Variants in RALGAPB observed in about 807,000 individuals in gnomAD.
RALGAPB encodes the protein ral GTPase-activating protein subunit beta.
In RALGAPB, 25 loss-of-function variants were observed where a neutral mutation model predicts 161.1. The ratio of observed to expected loss-of-function variants is 0.16; its 90% CI spans 0.11 to 0.22. The LOEUF (loss-of-function observed/expected upper bound fraction) is 0.22, where lower values mean the gene tolerates loss of function less well. RALGAPB is among the 10% of genes least tolerant of loss of function. The pLI, the probability that RALGAPB is intolerant of heterozygous loss-of-function variation, is 1.00. For missense variants in RALGAPB, 1,391 were observed against 1,815.2 expected (o/e 0.77, Z 4.25); for synonymous variants, 629 against 626.1 (o/e 1.00, Z -0.07).
Position 38,497,418 on chromosome 20 carries a change from C to T in RALGAPB, c.455C>T (p.Ala152Val), listed in dbSNP as rs753301625. Reference sequence around the variant, plus strand: ...GTCCTGAGAGCCATTCAGAAACTGGCCCGTGAGTCATCTCTCATGGCCCGA... The same window carrying T: ...GTCCTGAGAGCCATTCAGAAACTGGTCCGTGAGTCATCTCTCATGGCCCGA... ...LQVLRAIQKL[A>V]RESSLMARET... The change falls in exon 4 of 30, where the codon GCC (alanine) becomes GTC (valine). Residue 152 changes from alanine to valine, a missense_variant. This residue lies in a region of RALGAPB where 946 missense variants were observed against 1,257.2 expected (regional missense o/e 0.75). Transcript: ENST00000262879. 1 of 1,613,942 alleles carries T rather than the reference C, an allele frequency of 6.2e-7. No homozygotes were observed. Among genetic ancestry groups the T allele is most frequent in the Non-Finnish European group, 8.5e-7 (1 of 1,179,820 alleles).
At chr20:38,522,171 A>G (rs1293653138) in intron 10 of RALGAPB, among the ~76,000 whole-genome samples, 1 of 152,238 alleles carries the variant, frequency 6.6e-6, no homozygotes, top group Non-Finnish European at 1.5e-5. Context: ...AGCAGCGCAC[A>G]TTTATTTACT....
intron 21 of RALGAPB, among the ~76,000 whole-genome samples, chr20:38,551,464 A>G (rs2087374058): frequency 6.6e-6 from 1 of 152,206 alleles, no homozygotes; most frequent in African/African-American, 2.4e-5. Flanking sequence ...TCAGTACTGT[A>G]GTGACATGAT....
intron 13 of RALGAPB, 136 bp from the exon 14 acceptor site, chr20:38,531,031 C>G (rs548385024): frequency 2.9e-6 from 2 of 696,670 alleles, no homozygotes; most frequent in African/African-American, 1.8e-5. Context: ...TAAGAGCCAA[C>G]TATAATTTCA....
intron 26 of RALGAPB, 144 bp downstream of exon 26, chr20:38,567,376 C>G: frequency 5.9e-6 from 7 of 1,195,210 alleles, no homozygotes; most frequent in Non-Finnish European, 7.6e-6. Context: ...AAATAAAATT[C>G]TCACGATTTT....
At position 38,544,347 on chromosome 20, in the gene RALGAPB, G is replaced by GTT. The variant is rs79464319; in HGVS notation, c.2715-1883_2715-1882dup. On this transcript the variant is annotated intron_variant, in intron 18 of 29. Coordinates refer to ENST00000262879, the MANE Select transcript of RALGAPB (RefSeq NM_020336.4). ...TGGTTCATTTCTGCTGTTACCTTCA[G>GTT]TTTTTTTTTTTTTTAAATATTACAA... Among the ~76,000 whole-genome samples the GTT allele has an allele frequency of 9.9e-5, 14 of 141,280 alleles. No individual in the cohort carries two copies. In the South Asian group the frequency reaches 1.3e-3, roughly 14 times the overall value. The allele number at this position is 141,280 out of a possible 152,430, so 92.7% of individuals were successfully genotyped here.
At chr20:38,557,608 C>T (rs2087631888) in intron 22 of RALGAPB, among the ~76,000 whole-genome samples, 1 of 152,200 alleles carries the variant, frequency 6.6e-6, no homozygotes. Context: ...TAGTTGGAAT[C>T]ATACAGTATG....
Position 38,562,576 on chromosome 20 carries a change from C to G in RALGAPB, c.3576C>G (p.Phe1192Leu). 1 of 1,613,274 alleles carries G rather than the reference C, an allele frequency of 6.2e-7. No homozygotes were observed. Residue 1192 changes from phenylalanine to leucine, a missense_variant, in exon 24 of 30, where the codon TTC becomes TTG. Physicochemically the swap from Phe to Leu is conservative, Grantham distance 22. Around this residue, in one of 3 missense-constraint regions of RALGAPB, gnomAD observed 436 missense variants for 527.0 expected, o/e 0.83. Transcript: ENST00000262879. Reference sequence around the variant, plus strand: ...CTTCCAGAACTGTTCAGCCACATTTCCTAGAATTTTTGCTTTCCCTTGGCT... The same window carrying G: ...CTTCCAGAACTGTTCAGCCACATTTGCTAGAATTTTTGCTTTCCCTTGGCT... ...VESSRTVQPH[F>L]LEFLLSLGWS...
chr20:38,487,868 A>G (rs2122857791), intron 1 of RALGAPB, among the ~76,000 whole-genome samples: 1 of 152,234 alleles, frequency 6.6e-6, no homozygotes, highest in East Asian at 1.9e-4. Flanking sequence ...GGAGTTCGAG[A>G]CCAGCCTGAC....
chr20:38,531,045 G>A (rs367761051), intron 13 of RALGAPB, 122 bp from the exon 14 acceptor site: 1 of 774,716 alleles, frequency 1.3e-6, no homozygotes, highest in Non-Finnish European at 2.1e-6. Context: ...AATTTCATGG[G>A]TATTTCAGGA....
intron 22 of RALGAPB, among the ~76,000 whole-genome samples, chr20:38,557,685 C>T (rs567785808): frequency 7.2e-5 from 11 of 152,206 alleles, no homozygotes; most frequent in Non-Finnish European, 1.5e-4. Context: ...ATTCAGTATG[C>T]ATTTAATGTG....
At chr20:38,537,609 A>G (rs1339719021) in intron 16 of RALGAPB, 1 of 152,240 alleles carries the variant, frequency 6.6e-6, no homozygotes, top group African/African-American at 2.4e-5. Context: ...TTCTTTAGTA[A>G]ACACTGTTAA....
rs575515832 is a variant in RALGAPB, at chr20:38,565,940, G to A, written c.3817+462G>A. 8.8e-4 allele frequency among the ~76,000 whole-genome samples: 134 copies of A among 152,222 alleles called. 1 individual carries two copies. The highest frequency in any genetic ancestry group is 3.4e-3 in the Middle Eastern group (1 of 294). On this transcript the variant is annotated intron_variant, in intron 25 of 29. Coordinates refer to ENST00000262879, the MANE Select transcript of RALGAPB (RefSeq NM_020336.4). ...ACTTCAGCAGCCTAGAAAAGATGGT[G>A]GTCCAAGACTTTTTAAGAATTGGGA...
chr20:38,483,076 T>C (rs1373161600), intron 1 of RALGAPB, among the ~76,000 whole-genome samples: 1 of 151,984 alleles, frequency 6.6e-6, no homozygotes, highest in Non-Finnish European at 1.5e-5. Flanking sequence ...TTTTGTAGAG[T>C]TGGGTTTTCT....
chr20:38,512,708 A>C (rs1442708232), intron 6 of RALGAPB, among the ~76,000 whole-genome samples: 1 of 152,112 alleles, frequency 6.6e-6, no homozygotes, highest in Non-Finnish European at 1.5e-5. Context: ...TTGATATTAG[A>C]TGTTCTTTTT....
intron 1 of RALGAPB, among the ~76,000 whole-genome samples, chr20:38,473,986 A>G (rs2084727963): frequency 6.6e-6 from 1 of 152,242 alleles, no homozygotes; most frequent in Non-Finnish European, 1.5e-5. Context: ...TTAAACTTGC[A>G]GGTTCCACCC....
At chr20:38,567,024 T>C in intron 25 of RALGAPB, 72 bp from the exon 26 acceptor site, 4 of 1,535,126 alleles carry the variant, frequency 2.6e-6, no homozygotes, top group Non-Finnish European at 3.5e-6. Context: ...CTGGTGAGCA[T>C]AATTAGTTTT....
At chr20:38,525,007 C>G in intron 11 of RALGAPB, 62 bp downstream of exon 11, 1 of 1,469,086 alleles carries the variant, frequency 6.8e-7, no homozygotes, top group African/African-American at 1.4e-5. Flanking sequence ...GTTGGTGCTT[C>G]CTCCCCAGTT....
At position 38,525,433 on chromosome 20, in the gene RALGAPB, A is replaced by G; in HGVS notation, c.1817A>G (p.Asn606Ser). ...RELSKFKSYV[N>S]PTELRRSSIN... Reference sequence around the variant, plus strand: ...CTCTCAAAATTCAAAAGCTATGTAAATCCAACAGAATTGCGAAGATCCTCC... The same window carrying G: ...CTCTCAAAATTCAAAAGCTATGTAAGTCCAACAGAATTGCGAAGATCCTCC... The change falls in exon 12 of 30, where the codon AAT (asparagine) becomes AGT (serine). Residue 606 changes from asparagine (N) to serine (S), a missense_variant. Physicochemically the swap from Asn to Ser is conservative, Grantham distance 46 (BLOSUM62 1). This residue lies in a region of RALGAPB where 946 missense variants were observed against 1,257.2 expected (regional missense o/e 0.75). Transcript: ENST00000262879. 1 of 1,598,264 alleles carries G rather than the reference A, an allele frequency of 6.3e-7. No individual in the cohort carries two copies.
chr20:38,521,713 G>C lies in RALGAPB; in HGVS notation c.1619+15G>C. On this transcript the variant is annotated intron_variant, in intron 10 of 29. Coordinates refer to ENST00000262879, the MANE Select transcript of RALGAPB (RefSeq NM_020336.4). The stretch of plus-strand genomic sequence containing the variant: ...TATTTATCCAGGTCTTGGAATTTTT[G>C]TTTGTTTTTTCATTTATATAGTTTT... The C allele has an allele frequency of 1.2e-6, 2 of 1,611,718 alleles. No individual in the cohort carries two copies. The highest frequency in any genetic ancestry group is 1.7e-5 in the Admixed American group (1 of 59,518).
Sources: allele counts gnomAD v4.1 joint callset (sites outside exome capture counted in the v4.1 genomes callset), GRCh38; gene constraint gnomAD v4.1.1; regional missense constraint gnomAD v4.1.1; transcripts MANE v1.5; gene names NCBI Gene and HGNC (gene_info 2026-07-23, HGNC 2026-07-21).